GPC5: variants seen among roughly 807,000 people sequenced by gnomAD.
GPC5 encodes the protein glypican-5.
GPC5 carries 47 observed loss-of-function variants against 53.9 expected under a neutral mutation model. The observed-to-expected ratio is 0.87, with a 90% CI of 0.69 to 1.11. The LOEUF (loss-of-function observed/expected upper bound fraction) is 1.11. GPC5 is among the 50% of genes most tolerant of loss of function. The pLI, the probability that GPC5 is intolerant of heterozygous loss-of-function variation, is 0.00. For synonymous variants in GPC5, 286 were observed against 263.3 expected, an observed-to-expected ratio of 1.09 and a Z score of -0.84; for missense variants, 748 against 713.1, an observed-to-expected ratio of 1.05 and a Z score of -0.56.
chr13:91,809,437 G>T (rs1195777956), intron 5 of GPC5, among the ~76,000 whole-genome samples: 1 of 152,102 alleles, frequency 6.6e-6, no homozygotes, highest in Non-Finnish European at 1.5e-5. Context: ...CATTTGCTTT[G>T]CTTTGCCTTG....
chr13:91,572,766 C>A (rs1388605561), intron 2 of GPC5, among the ~76,000 whole-genome samples: 1 of 152,100 alleles, frequency 6.6e-6, no homozygotes, highest in African/African-American at 2.4e-5. Context: ...AACCATATCA[C>A]AGTCCTTCCC....
In GPC5 at chr13:91,851,087, G is replaced by A. The variant is rs146914674; in HGVS notation, c.1281-56850G>A. Among the ~76,000 whole-genome samples, 13 of 152,194 alleles carry A rather than the reference G, an allele frequency of 8.5e-5. No homozygotes were observed. In the East Asian group the frequency reaches 2.3e-3, roughly 27 times the overall value. On this transcript the variant is annotated intron_variant, in intron 5 of 7. Coordinates refer to ENST00000377067, the MANE Select transcript of GPC5 (RefSeq NM_004466.6). ...AATGCACATAAAAGGGCCTATAATC[G>A]AGGCTTGAGCAATCAGAGAGGTGAG...
At chr13:92,639,542 G>T (rs1212251616) in intron 7 of GPC5, among the ~76,000 whole-genome samples, 4 of 152,242 alleles carry the variant, frequency 2.6e-5, no homozygotes, top group African/African-American at 4.8e-5. Flanking sequence ...TACTACTCAA[G>T]GTTTGTTCAT....
At chr13:92,488,497 G>A (rs1034909579) in intron 7 of GPC5, among the ~76,000 whole-genome samples, 1 of 152,122 alleles carries the variant, frequency 6.6e-6, no homozygotes, top group Admixed American at 6.5e-5. Context: ...GTTGCCATAC[G>A]TGCTGATACA....
At chr13:92,396,415 T>C (rs1875273339) in intron 7 of GPC5, among the ~76,000 whole-genome samples, 1 of 152,176 alleles carries the variant, frequency 6.6e-6, no homozygotes, top group South Asian at 2.1e-4. Context: ...TTTTAACATA[T>C]TAGCCACCAT....
chr13:92,031,323 C>A (rs1289028849), intron 6 of GPC5, among the ~76,000 whole-genome samples: 1 of 152,088 alleles, frequency 6.6e-6, no homozygotes, highest in African/African-American at 2.4e-5. Context: ...CCTTTGAGGT[C>A]CAGACTGGAG....
At chr13:92,798,256 ATGTT>A (rs1876774366) in intron 7 of GPC5, among the ~76,000 whole-genome samples, 1 of 151,800 alleles carries the variant, frequency 6.6e-6, no homozygotes. Flanking sequence ...TAGTTTATAA[ATGTT>A]TGTTTATGGA....
At chr13:91,900,839 T>C (rs1015204839) in intron 5 of GPC5, among the ~76,000 whole-genome samples, 2 of 152,084 alleles carry the variant, frequency 1.3e-5, no homozygotes, top group African/African-American at 2.4e-5. Context: ...TAGTTTTTCA[T>C]GTGAAAATAT....
chr13:92,784,638 T>C (rs936686322), intron 7 of GPC5, among the ~76,000 whole-genome samples: 6 of 152,178 alleles, frequency 3.9e-5, no homozygotes, highest in Non-Finnish European at 7.3e-5. Context: ...TTAGCAAATG[T>C]CAGGTCATTA....
At chr13:92,225,393 A>G (rs747740643) in intron 7 of GPC5, among the ~76,000 whole-genome samples, 1 of 152,220 alleles carries the variant, frequency 6.6e-6, no homozygotes, top group Non-Finnish European at 1.5e-5. Context: ...GAAAGTGCAT[A>G]TACCACATTA....
intron 6 of GPC5, among the ~76,000 whole-genome samples, chr13:92,074,728 G>A (rs113849553): frequency 7.2e-5 from 11 of 152,210 alleles, no homozygotes; most frequent in African/African-American, 2.6e-4. Context: ...TGTAACCCTC[G>A]AAACTCATTG....
chr13:92,506,358 AG>A (rs1269484056), intron 7 of GPC5, among the ~76,000 whole-genome samples: 2 of 152,166 alleles, frequency 1.3e-5, no homozygotes, highest in African/African-American at 4.8e-5. Flanking sequence ...TCAAAATAAA[AG>A]TTTGATTAGA....
At chr13:92,657,242 A>T (rs1176444230) in intron 7 of GPC5, among the ~76,000 whole-genome samples, 1 of 152,156 alleles carries the variant, frequency 6.6e-6, no homozygotes, top group Non-Finnish European at 1.5e-5. Context: ...AGTATGATAA[A>T]TATATTTAAA....
chr13:92,493,676 T>C (rs1427101051), intron 7 of GPC5, among the ~76,000 whole-genome samples: 1 of 152,208 alleles, frequency 6.6e-6, no homozygotes, highest in African/African-American at 2.4e-5. Flanking sequence ...TAAATCTTTC[T>C]TATTTTTCTT....
At chr13:92,863,013 T>C (rs987776589) in intron 7 of GPC5, among the ~76,000 whole-genome samples, 1 of 152,176 alleles carries the variant, frequency 6.6e-6, no homozygotes, top group African/African-American at 2.4e-5. Context: ...CATCATTAAC[T>C]TGCCCACATG....
At chr13:92,492,196 T>C (rs1879789602) in intron 7 of GPC5, among the ~76,000 whole-genome samples, 1 of 152,194 alleles carries the variant, frequency 6.6e-6, no homozygotes, top group East Asian at 1.9e-4. Context: ...ATTATATACA[T>C]TTCTAATGAT....
intron 7 of GPC5, among the ~76,000 whole-genome samples, chr13:92,644,942 T>C (rs1885717550): frequency 6.6e-6 from 1 of 152,170 alleles, no homozygotes; most frequent in African/African-American, 2.4e-5. Context: ...TAAACTTTGT[T>C]GGACTTATGA....
In GPC5 at chr13:92,073,435, T is replaced by C. The variant is rs143119880; in HGVS notation, c.1402-71395T>C. 5.3e-3 allele frequency among the ~76,000 whole-genome samples: 813 copies of C among 152,294 alleles called. 12 individuals carry two copies. The highest frequency in any genetic ancestry group is 0.018 in the African/African-American group (736 of 41,572). Reference sequence around the variant, plus strand: ...CCAGTCTTCAGGGTTTCCAAGGCATTAATCAAGCATGGCTTTACTGGACAA... The same window carrying C: ...CCAGTCTTCAGGGTTTCCAAGGCATCAATCAAGCATGGCTTTACTGGACAA... On this transcript the variant is annotated intron_variant, in intron 6 of 7. Coordinates refer to ENST00000377067, the MANE Select transcript of GPC5 (RefSeq NM_004466.6).
chr13:91,677,554 T>C (rs547622243), intron 2 of GPC5, among the ~76,000 whole-genome samples: 17 of 152,292 alleles, frequency 1.1e-4, no homozygotes, highest in Middle Eastern at 6.8e-3. Flanking sequence ...ATTTGGCAGA[T>C]GAATTAGTTC....
Sources: gnomAD v4.1 joint callset for allele counts (sites outside exome capture counted in the v4.1 genomes callset) on GRCh38, gnomAD v4.1.1 for gene constraint, MANE v1.5 for transcripts, NCBI Gene and HGNC (gene_info 2026-07-23, HGNC 2026-07-21) for gene names.